The following PTGER3 variants were observed in gnomAD, a reference collection of about 807,000 sequenced individuals.
The protein encoded by PTGER3 is prostaglandin E2 receptor EP3 subtype.
Under a neutral mutation model 34.7 loss-of-function variants are expected in PTGER3, and 22 were observed. That is an observed-to-expected ratio of 0.63 (90% CI 0.45 to 0.91). The LOEUF is 0.91. PTGER3 is among the 40% of genes least tolerant of loss of function. PTGER3 has a pLI of 0.00. For synonymous variants in PTGER3, 241 were observed against 230.1 expected, an observed-to-expected ratio of 1.05 and a Z score of -0.43; for missense variants, 468 against 519.4, an observed-to-expected ratio of 0.90 and a Z score of 0.96.
chr1:70,872,777 C>A (rs1156345619), intron 4 of PTGER3, among the ~76,000 whole-genome samples: 1 of 152,198 alleles, frequency 6.6e-6, no homozygotes, highest in Admixed American at 6.5e-5. Context: ...ACTACTGGGA[C>A]TTGCCACACC....
At chr1:71,045,270 C>T (rs578112657) in intron 1 of PTGER3, among the ~76,000 whole-genome samples, 1 of 152,226 alleles carries the variant, frequency 6.6e-6, no homozygotes, top group South Asian at 2.1e-4. Flanking sequence ...GTATACATGG[C>T]GCACAAAAAA....
At chr1:70,908,742 GA>G (rs1647001396) in intron 4 of PTGER3, among the ~76,000 whole-genome samples, 1 of 152,124 alleles carries the variant, frequency 6.6e-6, no homozygotes, top group Non-Finnish European at 1.5e-5. Context: ...AATTTATCCT[GA>G]AGTCATACTC....
In PTGER3 at chr1:70,924,059, A is replaced by G. The variant is rs115434164; in HGVS notation, c.*23+29704T>C. On this transcript the variant is annotated intron_variant, in intron 4 of 4. Transcript: ENST00000370931. ...TCCTGACCTGTGGTAAGTAAAGAACATCACAGGCCCAGGAGCCCCAAGTTA... is the reference window on the plus strand; with the variant it reads ...TCCTGACCTGTGGTAAGTAAAGAACGTCACAGGCCCAGGAGCCCCAAGTTA... Among the ~76,000 whole-genome samples the G allele has an allele frequency of 8.6e-3, 1,307 of 152,244 alleles. 27 individuals are homozygous for G. The highest frequency in any genetic ancestry group is 0.03 in the African/African-American group (1,236 of 41,560).
At chr1:71,014,713 T>G (rs1257664661) in intron 1 of PTGER3, among the ~76,000 whole-genome samples, 1 of 152,198 alleles carries the variant, frequency 6.6e-6, no homozygotes, top group Non-Finnish European at 1.5e-5. Context: ...AAACTGAATC[T>G]GGGGGCACCT....
chr1:70,959,545 GA>G (rs1446601596), intron 2 of PTGER3, among the ~76,000 whole-genome samples: 1 of 152,034 alleles, frequency 6.6e-6, no homozygotes, highest in East Asian at 1.9e-4. Context: ...ACTTTTAGTA[GA>G]TATGGGGTTT....
chr1:71,046,012 G>A (rs1358396429), intron 1 of PTGER3, among the ~76,000 whole-genome samples: 1 of 151,426 alleles, frequency 6.6e-6, no homozygotes, highest in African/African-American at 2.4e-5. Flanking sequence ...AAAAAAACCC[G>A]GCCGGGCGCG....
chr1:71,046,749 T>C lies in PTGER3; in HGVS notation c.829A>G (p.Thr277Ala). The C allele has an allele frequency of 6.2e-7, 1 of 1,612,666 alleles. No individual in the cohort carries two copies. The highest frequency in any genetic ancestry group is 8.5e-7 in the Non-Finnish European group (1 of 1,179,286). The stretch of plus-strand genomic sequence containing the variant: ...ATAAGCTGAATGGCCGTCTCGGTCG[T>C]GATGCGGCCCCACTGGGCACTGGAC... ...SQSSAQWGRI[T>A]TETAIQLMGI... The change falls in exon 1 of 4, where the codon ACG becomes GCG. Residue 277 changes from threonine to alanine, a missense_variant. This residue lies in a region of PTGER3 where 204 missense variants were observed against 230.8 expected (regional missense o/e 0.88). Coordinates refer to ENST00000306666, the MANE Select transcript of PTGER3 (RefSeq NM_198719.2).
chr1:70,898,469 A>G (rs762929325), intron 4 of PTGER3, among the ~76,000 whole-genome samples: 1 of 152,066 alleles, frequency 6.6e-6, no homozygotes, highest in Non-Finnish European at 1.5e-5. Context: ...TCTCCTCTCG[A>G]ATGCCTTCCT....
Position 70,971,740 on chromosome 1 carries a change from G to C in PTGER3, c.1170-7C>G. The C allele has an allele frequency of 2.6e-6, 4 of 1,538,328 alleles. No homozygotes were observed. The South Asian group carries it at 3.8e-5, about 14-fold the overall frequency. ...AACTCCGTTCTTTCATTATCTGTTAGAATAGAGAGAGAAAGATGCAATAAG... is the reference window on the plus strand; with the variant it reads ...AACTCCGTTCTTTCATTATCTGTTACAATAGAGAGAGAAAGATGCAATAAG... On this transcript the variant is annotated splice_polypyrimidine_tract_variant and splice_region_variant and intron_variant, in intron 3 of 3. Transcript: ENST00000306666.
At chr1:70,955,422 G>A (rs1012831481) in intron 2 of PTGER3, among the ~76,000 whole-genome samples, 25 of 152,014 alleles carry the variant, frequency 1.6e-4, no homozygotes, top group Admixed American at 1.6e-3. Context: ...CCCAAGTAGT[G>A]CACAATCAAG....
Position 70,940,553 on chromosome 1 carries a change from C to G in PTGER3, c.*23+13210G>C, listed in dbSNP as rs573036920. ...TACAGTTCCACATGGCTGGGGAGGC[C>G]TTGGAATCATGGCAGGAGGTGGAAG... is the stretch of plus-strand genomic sequence containing the variant. On this transcript the variant is annotated intron_variant, in intron 4 of 4. Coordinates refer to the PTGER3 transcript ENST00000370931. Among the ~76,000 whole-genome samples, 7 of 152,166 alleles carry G rather than the reference C, an allele frequency of 4.6e-5. No homozygotes were observed. In the East Asian group the frequency reaches 1.2e-3, roughly 25 times the overall value.
At chr1:71,023,599 C>T (rs189632584) in intron 1 of PTGER3, among the ~76,000 whole-genome samples, 2 of 151,956 alleles carry the variant, frequency 1.3e-5, no homozygotes, top group East Asian at 3.9e-4. Flanking sequence ...ACATCAAATT[C>T]AACATTTTCA....
chr1:71,017,660 T>C (rs1314149728), intron 1 of PTGER3, among the ~76,000 whole-genome samples: 2 of 152,140 alleles, frequency 1.3e-5, no homozygotes, highest in Non-Finnish European at 2.9e-5. Context: ...CTTTCCTCTC[T>C]GCTCTCTTTC....
At chr1:70,892,837 C>CA (rs1176220550) in intron 4 of PTGER3, among the ~76,000 whole-genome samples, 2,030 of 47,160 alleles carry the variant, frequency 0.043, 76 homozygotes, top group East Asian at 0.27. Flanking sequence ...CAAGACTCCT[C>CA]AAAAAAAAAA....
chr1:70,934,670 C>G (rs1572691925), intron 4 of PTGER3, among the ~76,000 whole-genome samples: 1 of 152,084 alleles, frequency 6.6e-6, no homozygotes, highest in Non-Finnish European at 1.5e-5. Flanking sequence ...TAAATACAGG[C>G]CACACACACA....
chr1:71,037,162 T>C (rs773718547), intron 1 of PTGER3, among the ~76,000 whole-genome samples: 1 of 152,148 alleles, frequency 6.6e-6, no homozygotes, highest in Admixed American at 6.5e-5. Context: ...ATGAGGCCAA[T>C]CTCATGTGTG....
In PTGER3 at chr1:71,012,451, A is replaced by G. The variant is rs1657531594; in HGVS notation, c.931T>C (p.Ser311Pro). ...MMLKMIFNQTSVEHCKTHTEK... is the reference protein window; with the variant it reads ...MMLKMIFNQTPVEHCKTHTEK... ...GTGTGTGTCTTGCAGTGCTCAACTG[A>G]TGTCTGATTGAAGATCATTTTCAAC... Residue 311 changes from serine to proline, a missense_variant, in exon 2 of 4, where the codon TCA becomes CCA. Ser to Pro is a moderately conservative substitution (Grantham distance 74). Around this residue, in one of 5 missense-constraint regions of PTGER3, gnomAD observed 204 missense variants for 230.8 expected, o/e 0.88. Transcript: ENST00000306666. The G allele has an allele frequency of 6.2e-7, 1 of 1,613,518 alleles. No individual in the cohort carries two copies. The highest frequency in any genetic ancestry group is 8.5e-7 in the Non-Finnish European group (1 of 1,179,818).
At chr1:70,853,698 A>G (rs1419192299) in intron 4 of PTGER3, among the ~76,000 whole-genome samples, 4 of 152,194 alleles carry the variant, frequency 2.6e-5, no homozygotes, top group Non-Finnish European at 4.4e-5. Context: ...TAAGAAAAAG[A>G]AAAAACGTGT....
chr1:70,885,744 G>A (rs1168988766), intron 4 of PTGER3, among the ~76,000 whole-genome samples: 2 of 152,126 alleles, frequency 1.3e-5, no homozygotes, highest in Admixed American at 1.3e-4. Context: ...ACAAAAAAAA[G>A]GGAAAATAAA....
Sources: gnomAD v4.1 joint callset for allele counts (sites outside exome capture counted in the v4.1 genomes callset) on GRCh38, gnomAD v4.1.1 for gene constraint, gnomAD v4.1.1 regional missense constraint, MANE v1.5 for transcripts, NCBI Gene and HGNC (gene_info 2026-07-23, HGNC 2026-07-21) for gene names.